GPC1: variants seen among roughly 807,000 people sequenced by gnomAD.
GPC1 encodes the protein glypican 1, also known as glypican-1.
A neutral mutation model predicts 51.5 loss-of-function variants in GPC1; 26 were observed. That is an observed-to-expected ratio of 0.50 (90% CI 0.37 to 0.70). GPC1 has a LOEUF of 0.70. GPC1 is among the 30% of genes least tolerant of loss of function. The pLI is 0.00. For missense variants in GPC1, 775 were observed against 800.5 expected, an observed-to-expected ratio of 0.97 and a Z score of 0.38; for synonymous variants, 380 against 348.3, an observed-to-expected ratio of 1.09 and a Z score of -1.01.
chr2:240,446,821 C>T (rs933360068), intron 1 of GPC1, among the ~76,000 whole-genome samples: 2 of 152,140 alleles, frequency 1.3e-5, no homozygotes, highest in Non-Finnish European at 2.9e-5. Flanking sequence ...TCTTCCAGCC[C>T]ACATCATTCG....
rs1574782646 is a variant in GPC1, at chr2:240,466,553, T to TAGC, written c.*263_*264insAGC. On this transcript the variant is annotated 3_prime_UTR_variant, in exon 9 of 9. Transcript: ENST00000264039. ...GTATTTCAGGGACCTCAGGGGCACC[T>TAGC]CCGGCTGCCTAGCCCTCCCCCCAGC... 2.0e-6 allele frequency: 1 copy of TAGC among 492,874 alleles called. No homozygotes were observed. The highest frequency in any genetic ancestry group is 3.3e-5 in the East Asian group (1 of 30,360). The allele number at this position is 492,874 out of a possible 1,614,324, so 30.5% of individuals were successfully genotyped here.
Position 240,462,278 on chromosome 2 carries a change from C to G in GPC1, c.413C>G (p.Ala138Gly). The G allele has an allele frequency of 6.2e-7, 1 of 1,610,004 alleles. No homozygotes were observed. Among genetic ancestry groups the G allele is most frequent in the South Asian group, 1.1e-5 (1 of 90,532 alleles). ...TTCGGAGAGCTGTACACGCAGAACG[C>G]GAGGGCCTTCCGGGACCTGTACTCA... The part of the protein sequence containing the change: ...GAFGELYTQN[A>G]RAFRDLYSEL... The change falls in exon 3 of 9, where the codon GCG (alanine) becomes GGG (glycine). Residue 138 changes from alanine to glycine, a missense_variant. Transcript: ENST00000264039.
intron 1 of GPC1, chr2:240,450,763 T>C (rs1212533610): frequency 2.1e-6 from 1 of 470,032 alleles, no homozygotes; most frequent in South Asian, 1.6e-5. Flanking sequence ...CCCCCCGACA[T>C]CATTTAGACG....
chr2:240,437,284 G>A (rs1397591196), intron 1 of GPC1, among the ~76,000 whole-genome samples: 1 of 152,166 alleles, frequency 6.6e-6, no homozygotes, highest in East Asian at 1.9e-4. Flanking sequence ...AGGCAGTCGG[G>A]CTCTGGACCC....
intron 3 of GPC1, 84 bp from the exon 4 acceptor site, chr2:240,463,263 C>A: frequency 8.1e-7 from 1 of 1,233,634 alleles, no homozygotes; most frequent in Non-Finnish European, 1.2e-6. Flanking sequence ...CCAGAGCCCC[C>A]TACCCTGGGG....
chr2:240,464,266 C>T (rs1479377047), intron 4 of GPC1: 2 of 327,914 alleles, frequency 6.1e-6, no homozygotes, highest in Non-Finnish European at 1.2e-5. Context: ...GGCTCATGTG[C>T]ACACAAGCTG....
In GPC1 at chr2:240,461,172, C is replaced by T. The variant is rs2074211922; in HGVS notation, c.326-1019C>T. ...AGGACCCAAGGTGGACACTGGACAGCTGTGTGGCCCGTCCACCCTCCCCAC... is the reference window on the plus strand; with the variant it reads ...AGGACCCAAGGTGGACACTGGACAGTTGTGTGGCCCGTCCACCCTCCCCAC... On this transcript the variant is annotated intron_variant, in intron 2 of 8. Coordinates refer to ENST00000264039, the MANE Select transcript of GPC1 (RefSeq NM_002081.3). Among the ~76,000 whole-genome samples, 3 of 152,320 alleles carry T rather than the reference C, an allele frequency of 2.0e-5. No homozygotes were observed. The Middle Eastern group carries it at 0.01, about 518-fold the overall frequency.
chr2:240,457,908 CG>C (rs140545467), intron 1 of GPC1: 35,118 of 367,266 alleles, frequency 0.096, 2,030 homozygotes, highest in Non-Finnish European at 0.12. Context: ...CTGCTGACAA[CG>C]CCCCCCCTTG....
chr2:240,458,575 G>C (rs1222150325), intron 1 of GPC1: 1 of 173,682 alleles, frequency 5.8e-6, no homozygotes, highest in Non-Finnish European at 1.2e-5. Flanking sequence ...CGTCCTTGCA[G>C]TGGGAGCTTG....
At chr2:240,453,102 C>T (rs1465198368) in intron 1 of GPC1, 4 of 290,790 alleles carry the variant, frequency 1.4e-5, no homozygotes, top group Non-Finnish European at 2.7e-5. Flanking sequence ...TCCGCAGGCG[C>T]GCCACCCCCA....
intron 1 of GPC1, among the ~76,000 whole-genome samples, chr2:240,444,023 A>G (rs972778756): frequency 6.6e-6 from 1 of 152,182 alleles, no homozygotes; most frequent in Non-Finnish European, 1.5e-5. Flanking sequence ...AAGGCCACAG[A>G]CTACCCCGCA....
At chr2:240,447,132 G>A (rs1395924037) in intron 1 of GPC1, among the ~76,000 whole-genome samples, 1 of 152,130 alleles carries the variant, frequency 6.6e-6, no homozygotes, top group African/African-American at 2.4e-5. Context: ...ACGGGGCTGG[G>A]GGCTTGGTAG....
chr2:240,462,447 G>A lies in GPC1; in HGVS notation c.582G>A (p.Lys194=), dbSNP rs2074224758. 6.2e-7 allele frequency: 1 copy of A among 1,605,392 alleles called. No individual in the cohort carries two copies. Among genetic ancestry groups the A allele is most frequent in the Admixed American group, 1.7e-5 (1 of 59,408 alleles). The change falls in exon 3 of 9, where the codon AAG becomes AAA. Residue 194 remains lysine (K), a synonymous_variant. Transcript: ENST00000264039. ...LPDDYLDCLG[K]QAEALRPFGE... Reference sequence around the variant, plus strand: ...ATGACTACCTGGACTGCCTGGGCAAGCAGGCCGAGGCGCTGCGGCCCTTCG... The same window carrying A: ...ATGACTACCTGGACTGCCTGGGCAAACAGGCCGAGGCGCTGCGGCCCTTCG...
Position 240,464,599 on chromosome 2 carries a change from G to C in GPC1, c.884-17G>C, listed in dbSNP as rs1167055533. On this transcript the variant is annotated splice_polypyrimidine_tract_variant and intron_variant, in intron 4 of 8. Transcript: ENST00000264039. ...CGCGTTAACGCCTGTGTGTCCGCGTGTTAACGCCTGTCCTAGACTCCATGG... is the reference window on the plus strand; with the variant it reads ...CGCGTTAACGCCTGTGTGTCCGCGTCTTAACGCCTGTCCTAGACTCCATGG... 2 of 1,610,574 alleles carry C rather than the reference G, an allele frequency of 1.2e-6. No individual in the cohort carries two copies. Among genetic ancestry groups the C allele is most frequent in the Middle Eastern group, 1.7e-4 (1 of 6,056 alleles).
chr2:240,464,004 A>G (rs776911915), intron 4 of GPC1: 2 of 210,562 alleles, frequency 9.5e-6, no homozygotes, highest in African/African-American at 2.3e-5. Context: ...GTGTGGTAAT[A>G]TGTACATGCT....
intron 1 of GPC1, among the ~76,000 whole-genome samples, chr2:240,453,857 T>A (rs1055487523): frequency 6.6e-6 from 1 of 152,020 alleles, no homozygotes; most frequent in Admixed American, 6.5e-5. Context: ...GAGCCTTTGT[T>A]CCGCCGCCGG....
chr2:240,452,913 T>C, intron 1 of GPC1: 1 of 281,370 alleles, frequency 3.6e-6, no homozygotes, highest in South Asian at 2.8e-5. Flanking sequence ...GCTTTTCGCC[T>C]CCTGCGAGCC....
chr2:240,435,977 G>T lies in GPC1; in HGVS notation c.59G>T (p.Cys20Phe). 7.4e-7 allele frequency: 1 copy of T among 1,358,344 alleles called. No homozygotes were observed. The highest frequency in any genetic ancestry group is 3.0e-5 in the East Asian group (1 of 33,060). 84.1% of individuals were successfully genotyped at this position (1,358,344 alleles called of 1,614,324 possible). A position where few individuals can be genotyped will look rare whatever the true frequency, so the allele number is the denominator to read the frequency against. The change falls in exon 1 of 9, where the codon TGC (cysteine) becomes TTC (phenylalanine). Residue 20 changes from cysteine to phenylalanine, a missense_variant. Physicochemically the swap from Cys to Phe is radical, Grantham distance 205 (BLOSUM62 -2). Coordinates refer to ENST00000264039, the MANE Select transcript of GPC1 (RefSeq NM_002081.3). ...LLCAAAALVA[C>F]ARGDPASKSR... is the part of the protein sequence containing the mutation. ...TGTGCGGCCGCAGCGCTGGTCGCCTGCGCCCGCGGGGACCCGGCCAGCAAG... is the reference window on the plus strand; with the variant it reads ...TGTGCGGCCGCAGCGCTGGTCGCCTTCGCCCGCGGGGACCCGGCCAGCAAG...
At position 240,465,221 on chromosome 2, in the gene GPC1, A is replaced by G. The variant is rs1472264044; in HGVS notation, c.1268+11A>G. ...GATGGCCAGAGGCCGGTAGGTGCCC[A>G]CCTGGCTGGCACAGCCCTCCCTCCC... On this transcript the variant is annotated intron_variant, in intron 7 of 8. Transcript: ENST00000264039. The G allele has an allele frequency of 1.9e-6, 3 of 1,597,514 alleles. 1 individual carries two copies. Among genetic ancestry groups the G allele is most frequent in the Non-Finnish European group, 2.6e-6 (3 of 1,171,644 alleles).
Sources: allele counts gnomAD v4.1 joint callset (sites outside exome capture counted in the v4.1 genomes callset), GRCh38; gene constraint gnomAD v4.1.1; transcripts MANE v1.5; gene names NCBI Gene and HGNC (gene_info 2026-07-23, HGNC 2026-07-21).